Variants in ZNF536 observed in about 807,000 individuals in gnomAD.
ZNF536 encodes zinc finger protein 536.
ZNF536 carries 13 observed loss-of-function variants against 84.5 expected under a neutral mutation model. The ratio of observed to expected loss-of-function variants is 0.15; its 90% CI spans 0.10 to 0.24. The LOEUF (loss-of-function observed/expected upper bound fraction) is 0.24. ZNF536 is among the 10% of genes least tolerant of loss of function. The pLI, the probability that ZNF536 is intolerant of heterozygous loss-of-function variation, is 1.00. For missense variants in ZNF536, 1,536 were observed against 1,747.5 expected (o/e 0.88, Z 2.16); for synonymous variants, 811 against 742.5 (o/e 1.09, Z -1.50).
chr19:30,609,967 C>T (rs2048043043), intron 1 of ZNF536, among the ~76,000 whole-genome samples: 1 of 152,006 alleles, frequency 6.6e-6, no homozygotes, highest in African/African-American at 2.4e-5. Context: ...TCCACTTATC[C>T]ATCCATTCAT....
At chr19:30,496,093 G>T (rs531505718) in intron 2 of ZNF536, among the ~76,000 whole-genome samples, 1 of 152,142 alleles carries the variant, frequency 6.6e-6, no homozygotes, top group Non-Finnish European at 1.5e-5. Context: ...CTCTCCGGGC[G>T]TTCCTGGGGA....
intron 1 of ZNF536, among the ~76,000 whole-genome samples, chr19:30,570,285 G>A (rs113244473): frequency 0.016 from 2,447 of 152,212 alleles, 54 homozygotes; most frequent in African/African-American, 0.056. Context: ...CTCAGGCGTT[G>A]ATGAAAAACT....
chr19:30,654,222 A>G (rs1432691082), intron 1 of ZNF536, among the ~76,000 whole-genome samples: 2 of 152,140 alleles, frequency 1.3e-5, no homozygotes, highest in African/African-American at 4.8e-5. Context: ...GTGGGGAGGG[A>G]GCCTGACCTT....
chr19:30,345,684 T>C (rs539344815), intron 2 of ZNF536, among the ~76,000 whole-genome samples: 22 of 152,318 alleles, frequency 1.4e-4, no homozygotes, highest in African/African-American at 5.3e-4. Flanking sequence ...GACCAGGTCA[T>C]TGAAGGCAGA....
chr19:30,568,376 T>C (rs765806888), intron 1 of ZNF536, among the ~76,000 whole-genome samples: 9 of 152,206 alleles, frequency 5.9e-5, no homozygotes, highest in Non-Finnish European at 1.3e-4. Flanking sequence ...TCTATGACAT[T>C]GTTCTGCACA....
chr19:30,442,190 G>A (rs556899647), intron 1 of ZNF536, among the ~76,000 whole-genome samples: 3 of 152,220 alleles, frequency 2.0e-5, no homozygotes, highest in South Asian at 4.1e-4. Flanking sequence ...AGGATCCCAG[G>A]CAGGGGTTCA....
chr19:30,698,029 C>T (rs1373908983), intron 1 of ZNF536, among the ~76,000 whole-genome samples: 2 of 152,204 alleles, frequency 1.3e-5, no homozygotes, highest in Admixed American at 6.5e-5. Context: ...TGGTGCTTCA[C>T]GCCTGTAATC....
intron 1 of ZNF536, among the ~76,000 whole-genome samples, chr19:30,624,382 G>C (rs149076807): frequency 9.7e-4 from 148 of 152,250 alleles, no homozygotes; most frequent in Middle Eastern, 3.4e-3. Flanking sequence ...CTCATCAACT[G>C]CTAGCTCCCC....
chr19:30,235,420 G>T (rs923322084), intron 1 of ZNF536, among the ~76,000 whole-genome samples: 1 of 152,146 alleles, frequency 6.6e-6, no homozygotes, highest in East Asian at 1.9e-4. Context: ...AATGTCAACC[G>T]GAACTTGCTA....
At chr19:30,459,339 C>T (rs1233649750) in intron 2 of ZNF536, among the ~76,000 whole-genome samples, 92 of 104,696 alleles carry the variant, frequency 8.8e-4, no homozygotes, top group Admixed American at 1.5e-3. Flanking sequence ...TCTTTCTTTC[C>T]TTCTTTCTTT....
At chr19:30,436,428 T>C in intron 1 of ZNF536, 3 of 909,512 alleles carry the variant, frequency 3.3e-6, no homozygotes, top group Non-Finnish European at 3.9e-6. Context: ...TGTGATGTAA[T>C]TTGTTTGGAT....
At chr19:30,579,112 AGTT>A (rs2046836810) in intron 1 of ZNF536, among the ~76,000 whole-genome samples, 1 of 152,174 alleles carries the variant, frequency 6.6e-6, no homozygotes, top group African/African-American at 2.4e-5. Context: ...GTTACAGGCT[AGTT>A]GTTCTTTTAC....
intron 1 of ZNF536, among the ~76,000 whole-genome samples, chr19:30,579,327 G>T (rs2046842836): frequency 6.6e-6 from 1 of 152,180 alleles, no homozygotes; most frequent in Non-Finnish European, 1.5e-5. Context: ...AGGTCTTTGG[G>T]TCAGCTGGGT....
intron 1 of ZNF536, among the ~76,000 whole-genome samples, chr19:30,233,322 T>G (rs1008453533): frequency 6.7e-5 from 10 of 150,184 alleles, no homozygotes; most frequent in African/African-American, 2.4e-4. Context: ...GGCACTTTGC[T>G]GGCAGGATAA....
At chr19:30,557,035 A>G (rs1359993262) in intron 4 of ZNF536, 122 bp from the exon 5 acceptor site, 2 of 1,136,314 alleles carry the variant, frequency 1.8e-6, no homozygotes, top group African/African-American at 1.6e-5. Flanking sequence ...AATTTTATAA[A>G]TAACACTTTA....
chr19:30,484,309 C>G (rs1599541479), intron 2 of ZNF536, among the ~76,000 whole-genome samples: 1 of 150,702 alleles, frequency 6.6e-6, no homozygotes, highest in East Asian at 1.9e-4. Flanking sequence ...TCACTGCAAC[C>G]TCTGCCTCCT....
chr19:30,383,937 T>TCCCTTCCCTTCCCTTCCCTCCCCTC (rs1555738224), intron 1 of ZNF536, among the ~76,000 whole-genome samples: 1 of 10,548 alleles, frequency 9.5e-5, no homozygotes, highest in Non-Finnish European at 2.4e-4. Context: ...TCCCTTCCCT[T>TCCCTTCCCTTCCCTTCCCTCCCCTC]CCCTCCCCTC....
intron 1 of ZNF536, among the ~76,000 whole-genome samples, chr19:30,240,403 T>C (rs1289163914): frequency 6.6e-6 from 1 of 151,994 alleles, no homozygotes; most frequent in Non-Finnish European, 1.5e-5. Context: ...GAACTGGCTT[T>C]GCTGGGCCAG....
At chr19:30,657,600 C>G (rs567209775) in intron 1 of ZNF536, among the ~76,000 whole-genome samples, 1 of 152,346 alleles carries the variant, frequency 6.6e-6, no homozygotes, top group African/African-American at 2.4e-5. Context: ...GCACTCTCTT[C>G]CTGGAAGGAC....
Sources: gnomAD v4.1 joint callset for allele counts (sites outside exome capture counted in the v4.1 genomes callset) on GRCh38, gnomAD v4.1.1 for gene constraint, MANE v1.5 for transcripts, NCBI Gene and HGNC (gene_info 2026-07-23, HGNC 2026-07-21) for gene names.